The following CNTNAP5 variants were observed in gnomAD, a reference collection of about 807,000 sequenced individuals.
CNTNAP5 encodes the protein contactin associated protein family member 5.
CNTNAP5 carries 72 observed loss-of-function variants against 150.2 expected under a neutral mutation model. The observed-to-expected ratio is 0.48, with a 90% confidence interval of 0.40 to 0.58. CNTNAP5 has a LOEUF of 0.58. Ranked by LOEUF, CNTNAP5 falls within the 20% of genes least tolerant of loss-of-function variation. The probability of loss-of-function intolerance (pLI) is 0.00; values close to 1 mark genes in which losing one functional copy is unlikely to be tolerated. For synonymous variants in CNTNAP5, 672 were observed against 619.8 expected, an observed-to-expected ratio of 1.08 and a Z score of -1.25; for missense variants, 1,636 against 1,626.2, an observed-to-expected ratio of 1.01 and a Z score of -0.10.
At chr2:124,184,702 G>A (rs1342540988) in intron 1 of CNTNAP5, among the ~76,000 whole-genome samples, 1 of 152,168 alleles carries the variant, frequency 6.6e-6, no homozygotes, top group Non-Finnish European at 1.5e-5. Flanking sequence ...AGTGCAGGAT[G>A]TGGACAACTT....
At chr2:124,158,605 C>T (rs1684604229) in intron 1 of CNTNAP5, among the ~76,000 whole-genome samples, 1 of 152,148 alleles carries the variant, frequency 6.6e-6, no homozygotes, top group African/African-American at 2.4e-5. Context: ...GGAGGGCTGA[C>T]TCTATTTACT....
intron 3 of CNTNAP5, among the ~76,000 whole-genome samples, chr2:124,350,825 G>A (rs1379522342): frequency 6.6e-6 from 1 of 152,122 alleles, no homozygotes; most frequent in Non-Finnish European, 1.5e-5. Flanking sequence ...TGTGCATCCT[G>A]AGATAGTAAC....
rs529542206 is a variant in CNTNAP5, at chr2:124,757,158, G to A, written c.2235-6514G>A. Among the ~76,000 whole-genome samples the A allele has an allele frequency of 3.7e-4, 57 of 152,286 alleles. No homozygotes were observed. The South Asian group carries it at 0.011, about 30-fold the overall frequency. The stretch of plus-strand genomic sequence containing the variant: ...ACCATGTAACTGATGGATCTGCCCT[G>A]TGTGTAAATAAACCAAGAGATTCCT... On this transcript the variant is annotated intron_variant, in intron 14 of 23. Coordinates refer to ENST00000682447, the MANE Select transcript of CNTNAP5 (RefSeq NM_001367498.1).
At chr2:124,619,807 C>A (rs1677570047) in intron 12 of CNTNAP5, among the ~76,000 whole-genome samples, 1 of 143,834 alleles carries the variant, frequency 7.0e-6, no homozygotes, top group Non-Finnish European at 1.5e-5. Flanking sequence ...AATCCAATTT[C>A]CTGAAAATCA....
intron 19 of CNTNAP5, among the ~76,000 whole-genome samples, chr2:124,803,323 T>G (rs1682011684): frequency 6.6e-6 from 1 of 152,150 alleles, no homozygotes; most frequent in Non-Finnish European, 1.5e-5. Flanking sequence ...GACATTATAT[T>G]TTTTCACGAA....
At chr2:124,703,210 C>A (rs938462751) in intron 13 of CNTNAP5, among the ~76,000 whole-genome samples, 2 of 134,946 alleles carry the variant, frequency 1.5e-5, no homozygotes, top group African/African-American at 5.3e-5. Flanking sequence ...TTCCTTCTCC[C>A]TCTCTTTCTT....
intron 17 of CNTNAP5, 98 bp from the exon 18 acceptor site, chr2:124,789,804 A>T (rs532183834): frequency 9.1e-6 from 10 of 1,103,452 alleles, no homozygotes; most frequent in African/African-American, 1.6e-5. Context: ...CTTCATGACA[A>T]CAGAGAACTA....
rs538077540 is a variant in CNTNAP5 at position 124,296,859 on chromosome 2, G to T, written c.381+54466G>T. Among the ~76,000 whole-genome samples the T allele has an allele frequency of 7.9e-5, 12 of 152,270 alleles. No homozygotes were observed. In the South Asian group the frequency reaches 2.3e-3, roughly 29 times the overall value. On this transcript the variant is annotated intron_variant, in intron 3 of 23. Coordinates refer to ENST00000682447, the MANE Select transcript of CNTNAP5 (RefSeq NM_001367498.1). The stretch of plus-strand genomic sequence containing the variant: ...AGTAGGCACTGCTATTCATTCAGAG[G>T]GTGAGACTGGAGAAGGGCTCTCTGC...
At chr2:124,391,122 A>G (rs1050460747) in intron 3 of CNTNAP5, among the ~76,000 whole-genome samples, 10 of 152,210 alleles carry the variant, frequency 6.6e-5, no homozygotes, top group African/African-American at 2.4e-4. Flanking sequence ...ATCTTCATCT[A>G]TGAGATGGGT....
chr2:124,185,187 T>C (rs951643057), intron 1 of CNTNAP5, among the ~76,000 whole-genome samples: 1 of 152,190 alleles, frequency 6.6e-6, no homozygotes, highest in Non-Finnish European at 1.5e-5. Context: ...AAACTCCACA[T>C]TTTCTACCAA....
chr2:124,703,690 G>A (rs1039270408), intron 13 of CNTNAP5, among the ~76,000 whole-genome samples: 3 of 152,104 alleles, frequency 2.0e-5, no homozygotes, highest in African/African-American at 7.2e-5. Context: ...GATCTTCCCA[G>A]GCAAAGGGAG....
chr2:124,894,389 G>T (rs1012638420), intron 21 of CNTNAP5, among the ~76,000 whole-genome samples: 1 of 151,194 alleles, frequency 6.6e-6, no homozygotes, highest in African/African-American at 2.5e-5. Flanking sequence ...CTTTAATAAA[G>T]TAAACAACAT....
chr2:124,461,319 C>T (rs541707061), intron 6 of CNTNAP5, among the ~76,000 whole-genome samples: 1 of 152,020 alleles, frequency 6.6e-6, no homozygotes, highest in South Asian at 2.1e-4. Context: ...AAATGTGGCA[C>T]ATATACACCA....
chr2:124,221,937 GGA>G (rs1686332169), intron 2 of CNTNAP5, 128 bp downstream of exon 2: 1 of 637,640 alleles, frequency 1.6e-6, no homozygotes, highest in Non-Finnish European at 2.8e-6. Context: ...ATATTTACGA[GGA>G]GAGGAGTGAA....
chr2:124,778,142 T>C (rs565631468), intron 17 of CNTNAP5, among the ~76,000 whole-genome samples: 1 of 152,296 alleles, frequency 6.6e-6, no homozygotes, highest in African/African-American at 2.4e-5. Context: ...GAAATCAGGC[T>C]GCCCTGGAGC....
At chr2:124,890,751 G>T (rs1320661215) in intron 21 of CNTNAP5, among the ~76,000 whole-genome samples, 2 of 152,096 alleles carry the variant, frequency 1.3e-5, no homozygotes, top group Non-Finnish European at 2.9e-5. Context: ...ATACATTAGT[G>T]CAGGAAGGTT....
At chr2:124,065,446 T>C (rs1482543909) in intron 1 of CNTNAP5, among the ~76,000 whole-genome samples, 1 of 137,452 alleles carries the variant, frequency 7.3e-6, no homozygotes, top group Non-Finnish European at 1.6e-5. Flanking sequence ...ATTCTGTGGG[T>C]ATAAAAAACC....
chr2:124,898,424 A>G (rs1678352285), intron 21 of CNTNAP5, among the ~76,000 whole-genome samples: 1 of 151,198 alleles, frequency 6.6e-6, no homozygotes, highest in African/African-American at 2.5e-5. Flanking sequence ...TCATTCTATC[A>G]CTCTCTTCCT....
chr2:124,137,547 G>C (rs370270914), intron 1 of CNTNAP5, among the ~76,000 whole-genome samples: 1 of 151,942 alleles, frequency 6.6e-6, no homozygotes, highest in East Asian at 1.9e-4. Flanking sequence ...TTTTTTTTCA[G>C]TCACAAATAC....
Sources: gnomAD v4.1 joint callset for allele counts (sites outside exome capture counted in the v4.1 genomes callset) on GRCh38, gnomAD v4.1.1 for gene constraint, MANE v1.5 for transcripts, NCBI Gene and HGNC (gene_info 2026-07-23, HGNC 2026-07-21) for gene names.